ATP2B1: variants seen among roughly 807,000 people sequenced by gnomAD.
ATP2B1 encodes the protein ATPase plasma membrane Ca2+ transporting 1, also known as plasma membrane calcium-transporting ATPase 1.
Under a neutral mutation model 124.2 loss-of-function variants are expected in ATP2B1, and 14 were observed. The ratio of observed to expected loss-of-function variants is 0.11; its 90% confidence interval spans 0.07 to 0.18. The LOEUF (loss-of-function observed/expected upper bound fraction) is 0.18. ATP2B1 is among the 10% of genes least tolerant of loss of function. The pLI is 1.00. For synonymous variants in ATP2B1, 449 were observed against 492.4 expected (o/e 0.91, Z 1.17); for missense variants, 763 against 1,466.1 (o/e 0.52, Z 7.83).
chr12:89,632,970 A>G (rs1882109904), intron 5 of ATP2B1, among the ~76,000 whole-genome samples: 1 of 152,188 alleles, frequency 6.6e-6, no homozygotes, highest in African/African-American at 2.4e-5. Flanking sequence ...CACTATGTAA[A>G]TAAGTGAGAT....
intron 2 of ATP2B1, among the ~76,000 whole-genome samples, chr12:89,647,860 A>G (rs911695990): frequency 1.3e-5 from 2 of 152,010 alleles, no homozygotes; most frequent in African/African-American, 4.8e-5. Flanking sequence ...TTCATGCCAG[A>G]TCTGGTTAAG....
chr12:89,667,149 ATTC>A (rs1887403011), intron 1 of ATP2B1, among the ~76,000 whole-genome samples: 2 of 152,106 alleles, frequency 1.3e-5, no homozygotes, highest in Admixed American at 1.3e-4. Context: ...AACTGAATCC[ATTC>A]TTCTGTCCAC....
chr12:89,701,416 T>C (rs968101583), intron 1 of ATP2B1, among the ~76,000 whole-genome samples: 2 of 152,216 alleles, frequency 1.3e-5, no homozygotes, highest in Admixed American at 6.5e-5. Flanking sequence ...TATCACGATA[T>C]ATAGAACTTT....
chr12:89,605,412 G>A (rs1392812016), intron 15 of ATP2B1, among the ~76,000 whole-genome samples: 2 of 152,090 alleles, frequency 1.3e-5, no homozygotes, highest in Non-Finnish European at 2.9e-5. Context: ...TCATTATCAA[G>A]AGTGACATCA....
chr12:89,706,639 A>T (rs1892484743), intron 1 of ATP2B1, among the ~76,000 whole-genome samples: 1 of 152,230 alleles, frequency 6.6e-6, no homozygotes, highest in Admixed American at 6.5e-5. Context: ...AAATGAGAGA[A>T]TACAGAAAAA....
intron 1 of ATP2B1, among the ~76,000 whole-genome samples, chr12:89,663,896 T>C (rs981768898): frequency 6.6e-6 from 1 of 152,208 alleles, no homozygotes; most frequent in Non-Finnish European, 1.5e-5. Flanking sequence ...GTCCTTTTTT[T>C]CGAAGAAGTC....
At chr12:89,702,843 A>G (rs1892012462) in intron 1 of ATP2B1, among the ~76,000 whole-genome samples, 1 of 152,236 alleles carries the variant, frequency 6.6e-6, no homozygotes, top group Admixed American at 6.5e-5. Flanking sequence ...AATACCAAAT[A>G]TTCTTATAAC....
At chr12:89,694,888 C>G (rs906066246) in intron 1 of ATP2B1, among the ~76,000 whole-genome samples, 1 of 151,844 alleles carries the variant, frequency 6.6e-6, no homozygotes, top group African/African-American at 2.4e-5. Context: ...GAAACCCTAT[C>G]TCTACAAAAA....
intron 2 of ATP2B1, among the ~76,000 whole-genome samples, chr12:89,653,283 C>CTTTTT (rs149270069): frequency 2.6e-5 from 2 of 76,108 alleles, no homozygotes; most frequent in African/African-American, 5.1e-5. Context: ...GAATTTTTTT[C>CTTTTT]TTTTTTTTTT....
intron 2 of ATP2B1, among the ~76,000 whole-genome samples, chr12:89,649,623 G>C (rs986749957): frequency 6.6e-6 from 1 of 152,118 alleles, no homozygotes; most frequent in African/African-American, 2.4e-5. Flanking sequence ...ATTAATACTG[G>C]TATTAGTTAA....
chr12:89,642,539 T>C (rs1883711151), intron 2 of ATP2B1, among the ~76,000 whole-genome samples, 184 bp from the exon 3 acceptor site: 1 of 152,216 alleles, frequency 6.6e-6, no homozygotes, highest in African/African-American at 2.4e-5. Flanking sequence ...ACACTTTAAG[T>C]AGATCAGTTA....
chr12:89,616,686 G>GA (rs113951213), intron 12 of ATP2B1, 116 bp downstream of exon 12: 54,612 of 668,528 alleles, frequency 0.082, 3 homozygotes, highest in South Asian at 0.11. Context: ...GGTTCACACA[G>GA]AAAAAAAAAA....
At position 89,655,997 on chromosome 12, in the gene ATP2B1, C is replaced by T. The variant is rs1885910811; in HGVS notation, c.-111G>A. ...GTATGAAAATCTTTCTTAAACCAAA[C>T]ACTCATTGTATGACTTTGTAAAGCA... On this transcript the variant is annotated 5_prime_UTR_variant, in exon 2 of 21. Coordinates refer to ENST00000428670, the MANE Select transcript of ATP2B1 (RefSeq NM_001366521.1). The T allele has an allele frequency of 1.8e-6, 2 of 1,122,872 alleles. No homozygotes were observed. Among genetic ancestry groups the T allele is most frequent in the African/African-American group, 3.2e-5 (2 of 63,464 alleles). The allele number at this position is 1,122,872 out of a possible 1,614,324, so 69.6% of individuals were successfully genotyped here.
At chr12:89,690,686 C>G (rs1331969413) in intron 1 of ATP2B1, among the ~76,000 whole-genome samples, 1 of 152,022 alleles carries the variant, frequency 6.6e-6, no homozygotes, top group Non-Finnish European at 1.5e-5. Context: ...TTTTCTACTA[C>G]AGACCTTAAC....
At chr12:89,627,105 T>G (rs982342260) in intron 7 of ATP2B1, among the ~76,000 whole-genome samples, 1 of 152,150 alleles carries the variant, frequency 6.6e-6, no homozygotes, top group Non-Finnish European at 1.5e-5. Context: ...TTGAAATACT[T>G]AAGTTGAGTC....
At chr12:89,678,782 G>A (rs752738953) in intron 1 of ATP2B1, among the ~76,000 whole-genome samples, 57 of 152,026 alleles carry the variant, frequency 3.7e-4, no homozygotes, top group Non-Finnish European at 4.9e-4. Flanking sequence ...AACAACTCTG[G>A]AGGGCCATTT....
At chr12:89,708,126 G>A (rs955254658) in intron 1 of ATP2B1, among the ~76,000 whole-genome samples, 10 of 152,146 alleles carry the variant, frequency 6.6e-5, no homozygotes, top group Non-Finnish European at 1.3e-4. Context: ...CCCGCAGTGC[G>A]TCTGGGGGGC....
chr12:89,610,324 C>T lies in ATP2B1; in HGVS notation c.2335+97G>A, dbSNP rs556507958. 4.6e-5 allele frequency: 47 copies of T among 1,030,476 alleles called. No homozygotes were observed. The African/African-American group carries it at 6.3e-4, about 14-fold the overall frequency. 63.8% of individuals were successfully genotyped at this position (1,030,476 alleles called of 1,614,324 possible). On this transcript the variant is annotated intron_variant, in intron 14 of 20. Coordinates refer to ENST00000428670, the MANE Select transcript of ATP2B1 (RefSeq NM_001366521.1). The stretch of plus-strand genomic sequence containing the variant: ...AGATTTTATTAAAACAGATGATATC[C>T]ATGACTCAATCTAATATTCAGTATC...
At chr12:89,595,474 T>G (rs1323594641) in intron 20 of ATP2B1, among the ~76,000 whole-genome samples, 1 of 151,962 alleles carries the variant, frequency 6.6e-6, no homozygotes, top group Non-Finnish European at 1.5e-5. Context: ...GACTAATAAA[T>G]GAAGGGAAAA....
Sources: allele counts gnomAD v4.1 joint callset (sites outside exome capture counted in the v4.1 genomes callset), GRCh38; gene constraint gnomAD v4.1.1; transcripts MANE v1.5; gene names NCBI Gene and HGNC (gene_info 2026-07-23, HGNC 2026-07-21).